RARB: variants seen among roughly 807,000 people sequenced by gnomAD.
RARB encodes HBV-activated protein.
A neutral mutation model predicts 51.9 loss-of-function variants in RARB; 17 were observed. The ratio of observed to expected loss-of-function variants is 0.33; its 90% CI spans 0.22 to 0.49. RARB has a LOEUF of 0.49. Among genes scored for constraint, RARB ranks in the 20% least tolerant of loss-of-function variants. The pLI is 0.99. For synonymous variants in RARB, 215 were observed against 195.4 expected (o/e 1.10, Z -0.84); for missense variants, 369 against 550.8 (o/e 0.67, Z 3.30).
At chr3:24,903,817 T>C (rs908371544) in intron 2 of RARB, among the ~76,000 whole-genome samples, 2 of 152,202 alleles carry the variant, frequency 1.3e-5, no homozygotes, top group African/African-American at 4.8e-5. Flanking sequence ...TCTCTATACA[T>C]TTTTAAAAGA....
At chr3:24,871,053 T>G (rs1199618762) in intron 2 of RARB, among the ~76,000 whole-genome samples, 1 of 152,116 alleles carries the variant, frequency 6.6e-6, no homozygotes. Context: ...TACTCTATCT[T>G]TATGAGTTCA....
intron 2 of RARB, among the ~76,000 whole-genome samples, chr3:25,491,512 T>C (rs1375214702): frequency 1.3e-5 from 2 of 152,048 alleles, no homozygotes; most frequent in African/African-American, 4.8e-5. Context: ...TCCGAGACTA[T>C]CCAAGACTGC....
chr3:25,110,443 A>G (rs1036072515), intron 3 of RARB, among the ~76,000 whole-genome samples: 8 of 152,246 alleles, frequency 5.3e-5, no homozygotes, highest in African/African-American at 1.4e-4. Flanking sequence ...CCCAGGACTC[A>G]GCTTCAAATA....
intron 1 of RARB, among the ~76,000 whole-genome samples, chr3:25,459,646 G>A (rs916044045): frequency 1.3e-5 from 2 of 152,190 alleles, no homozygotes; most frequent in African/African-American, 4.8e-5. Flanking sequence ...GCATGGTGTG[G>A]TAGCAGGATA....
Position 25,281,583 on chromosome 3 carries a change from C to G in RARB, c.178+107008C>G, listed in dbSNP as rs369580142. ...GGGGCAATAGGATCTGTAGGCCAAA[C>G]AAATGATCAGCACTGGGCTAACAAT... is the stretch of plus-strand genomic sequence containing the variant. On this transcript the variant is annotated intron_variant, in intron 5 of 11. Transcript: ENST00000383772. 1.1e-4 allele frequency among the ~76,000 whole-genome samples: 17 copies of G among 152,264 alleles called. No homozygotes were observed. The East Asian group carries it at 3.1e-3, about 28-fold the overall frequency.
At chr3:24,853,787 T>C (rs1161764401) in intron 1 of RARB, among the ~76,000 whole-genome samples, 1 of 152,198 alleles carries the variant, frequency 6.6e-6, no homozygotes, top group African/African-American at 2.4e-5. Flanking sequence ...TGCTTCATTG[T>C]TGGCTTTGGG....
At chr3:25,249,302 C>G (rs910601593) in intron 5 of RARB, among the ~76,000 whole-genome samples, 2 of 151,930 alleles carry the variant, frequency 1.3e-5, no homozygotes, top group African/African-American at 4.8e-5. Flanking sequence ...TGATATCTGT[C>G]TCTTAATAAA....
rs531010181 is a variant in RARB at position 25,205,619 on chromosome 3, C to G, written c.178+31044C>G. ...AAAAATAAATGCTTGAGGTGATGGA[C>G]TCCCCATTTACCCTGATGTAATTAT... On this transcript the variant is annotated intron_variant, in intron 5 of 11. Coordinates refer to the RARB transcript ENST00000383772. Among the ~76,000 whole-genome samples, 13 of 152,276 alleles carry G rather than the reference C, an allele frequency of 8.5e-5. No homozygotes were observed. The South Asian group carries it at 2.7e-3, about 32-fold the overall frequency.
chr3:25,317,467 T>A (rs1460005771), intron 5 of RARB, among the ~76,000 whole-genome samples: 1 of 152,174 alleles, frequency 6.6e-6, no homozygotes, highest in Non-Finnish European at 1.5e-5. Context: ...AGACTTCATA[T>A]CCAGCATTAT....
At chr3:25,049,641 C>T (rs1698287070) in intron 2 of RARB, among the ~76,000 whole-genome samples, 1 of 152,144 alleles carries the variant, frequency 6.6e-6, no homozygotes, top group African/African-American at 2.4e-5. Flanking sequence ...CTATTGGTGT[C>T]AGACTTCTGA....
chr3:24,989,155 C>T (rs1256713165), intron 2 of RARB, among the ~76,000 whole-genome samples: 3 of 152,228 alleles, frequency 2.0e-5, no homozygotes, highest in African/African-American at 7.2e-5. Flanking sequence ...TATAATTCTG[C>T]AGTGCTTTTC....
At chr3:25,032,100 T>C (rs893347246) in intron 2 of RARB, among the ~76,000 whole-genome samples, 160 of 152,336 alleles carry the variant, frequency 1.1e-3, no homozygotes, top group African/African-American at 3.5e-3. Context: ...ATTATTTTTC[T>C]CCCTAAAAAA....
intron 2 of RARB, among the ~76,000 whole-genome samples, chr3:24,911,826 T>C (rs1694994626): frequency 6.6e-6 from 1 of 152,166 alleles, no homozygotes; most frequent in South Asian, 2.1e-4. Flanking sequence ...TGTGTATTTG[T>C]GGGAGTGTGT....
intron 5 of RARB, chr3:25,324,065 G>GTC (rs1021581330): frequency 2.3e-4 from 35 of 152,304 alleles, no homozygotes; most frequent in African/African-American, 8.2e-4. Flanking sequence ...TTGATTTCTA[G>GTC]TCTCGGATGA....
chr3:25,275,130 G>A (rs1310173998), intron 5 of RARB, among the ~76,000 whole-genome samples: 1 of 152,140 alleles, frequency 6.6e-6, no homozygotes, highest in African/African-American at 2.4e-5. Flanking sequence ...TCATAGTGGT[G>A]ACCACATCAT....
chr3:25,498,768 A>C (rs1697161635), intron 2 of RARB, among the ~76,000 whole-genome samples: 1 of 152,196 alleles, frequency 6.6e-6, no homozygotes, highest in Admixed American at 6.5e-5. Flanking sequence ...CCACGTATAT[A>C]AAAGACCATG....
intron 5 of RARB, among the ~76,000 whole-genome samples, chr3:25,294,749 T>A (rs1656878): frequency 1.3e-5 from 2 of 151,816 alleles, no homozygotes; most frequent in Admixed American, 1.3e-4. Flanking sequence ...CATTTGGCAA[T>A]GTATTCGTGG....
intron 3 of RARB, among the ~76,000 whole-genome samples, chr3:25,516,907 G>T (rs1698192881): frequency 6.6e-6 from 1 of 152,180 alleles, no homozygotes; most frequent in Non-Finnish European, 1.5e-5. Flanking sequence ...GATTACAGGT[G>T]TGAGCCACTG....
chr3:25,087,120 A>C (rs1699119223), intron 3 of RARB, among the ~76,000 whole-genome samples: 1 of 152,070 alleles, frequency 6.6e-6, no homozygotes. Context: ...TCTTATTGCT[A>C]CAAAGAGCCT....
Sources: gnomAD v4.1 joint callset for allele counts (sites outside exome capture counted in the v4.1 genomes callset) on GRCh38, gnomAD v4.1.1 for gene constraint, MANE v1.5 for transcripts, NCBI Gene and HGNC (gene_info 2026-07-23, HGNC 2026-07-21) for gene names.